Variants in COL6A6 observed in about 807,000 individuals in gnomAD.
COL6A6 encodes collagen alpha-6(VI) chain.
A neutral mutation model predicts 208.6 loss-of-function variants in COL6A6; 183 were observed. The observed-to-expected ratio is 0.88, with a 90% CI of 0.78 to 0.99. The LOEUF (loss-of-function observed/expected upper bound fraction) is 0.99. Ranked by LOEUF, COL6A6 falls within the 50% of genes least tolerant of loss-of-function variation. The pLI, the probability that COL6A6 is intolerant of heterozygous loss-of-function variation, is 0.00. For missense variants in COL6A6, 2,816 were observed against 2,815.2 expected (o/e 1.00, Z -0.01); for synonymous variants, 973 against 1,011.8 (o/e 0.96, Z 0.73).
At chr3:130,604,221 T>C (rs893809086) in intron 20 of COL6A6, among the ~76,000 whole-genome samples, 11 of 152,150 alleles carry the variant, frequency 7.2e-5, no homozygotes, top group East Asian at 3.9e-4. Flanking sequence ...GGGCCGGGCG[T>C]GGTGGCTCAC....
chr3:130,640,867 T>G (rs976379698), intron 28 of COL6A6, among the ~76,000 whole-genome samples: 2 of 152,212 alleles, frequency 1.3e-5, no homozygotes, highest in African/African-American at 4.8e-5. Context: ...GACTTTTTGC[T>G]TTTTGTTTTT....
intron 28 of COL6A6, among the ~76,000 whole-genome samples, chr3:130,640,123 A>G (rs980555129): frequency 3.3e-5 from 5 of 152,198 alleles, no homozygotes; most frequent in African/African-American, 1.2e-4. Flanking sequence ...ATGATTTTCA[A>G]CTAAACATCT....
At chr3:130,532,047 A>G (rs1179512452) in intron 1 of COL6A6, among the ~76,000 whole-genome samples, 1 of 152,096 alleles carries the variant, frequency 6.6e-6, no homozygotes, top group African/African-American at 2.4e-5. Flanking sequence ...TGCATATCAT[A>G]TTTTGCATTT....
intron 8 of COL6A6, among the ~76,000 whole-genome samples, chr3:130,578,270 A>G (rs757682872): frequency 3.2e-4 from 49 of 152,334 alleles, no homozygotes; most frequent in Middle Eastern, 3.4e-3. Context: ...GATTTGATTC[A>G]AGAGATGTGA....
At chr3:130,624,116 C>A (rs1012465071) in intron 24 of COL6A6, among the ~76,000 whole-genome samples, 12 of 151,802 alleles carry the variant, frequency 7.9e-5, no homozygotes, top group Non-Finnish European at 1.6e-4. Context: ...AAAACCTAGG[C>A]CTTTAAGGGG....
chr3:130,663,781 A>G (rs1048488564), intron 35 of COL6A6, among the ~76,000 whole-genome samples: 1 of 152,218 alleles, frequency 6.6e-6, no homozygotes, highest in Non-Finnish European at 1.5e-5. Flanking sequence ...CTTAGGGTAC[A>G]TGAGAGATAC....
chr3:130,548,465 G>A (rs2062569709), intron 1 of COL6A6, among the ~76,000 whole-genome samples: 1 of 152,170 alleles, frequency 6.6e-6, no homozygotes, highest in Admixed American at 6.5e-5. Context: ...AAATCTAAAG[G>A]GGGTTGGAGT....
chr3:130,642,519 C>G (rs894113633), intron 29 of COL6A6, among the ~76,000 whole-genome samples: 1 of 152,286 alleles, frequency 6.6e-6, no homozygotes, highest in East Asian at 1.9e-4. Flanking sequence ...TGCTCCAGAG[C>G]TCTGCGGCAA....
Position 130,571,313 on chromosome 3 carries a change from ACTT to A in COL6A6, c.2902_2904del (p.Phe968del). The stretch of plus-strand genomic sequence containing the variant: ...GCCATGGCAGGATCAAGCGACAAGT[ACTT>A]CTTCGTGGAGACTTTTGGAGGTCTG... On this transcript the variant is annotated inframe_deletion, in exon 7 of 37. Transcript: ENST00000358511. The A allele has an allele frequency of 1.2e-6, 2 of 1,613,814 alleles. No homozygotes were observed. Among genetic ancestry groups the A allele is most frequent in the Non-Finnish European group, 1.7e-6 (2 of 1,179,826 alleles).
At chr3:130,604,089 C>CA (rs2108164288) in intron 20 of COL6A6, among the ~76,000 whole-genome samples, 1 of 152,276 alleles carries the variant, frequency 6.6e-6, no homozygotes, top group Non-Finnish European at 1.5e-5. Flanking sequence ...TCATATAAAA[C>CA]ACTTGAAAAT....
At chr3:130,642,041 GAAAT>G (rs2065326692) in intron 29 of COL6A6, among the ~76,000 whole-genome samples, 1 of 152,070 alleles carries the variant, frequency 6.6e-6, no homozygotes, top group Admixed American at 6.5e-5. Context: ...GAAGTGAAAG[GAAAT>G]AAATAGTGAC....
chr3:130,625,574 A>G (rs996873977), intron 24 of COL6A6, among the ~76,000 whole-genome samples: 2 of 152,142 alleles, frequency 1.3e-5, no homozygotes, highest in African/African-American at 4.8e-5. Context: ...TAATCAGAAA[A>G]ACAGCAATGG....
intron 17 of COL6A6, among the ~76,000 whole-genome samples, 199 bp from the exon 18 acceptor site, chr3:130,594,082 G>A (rs533770947): frequency 6.6e-6 from 1 of 152,192 alleles, no homozygotes; most frequent in South Asian, 2.1e-4. Flanking sequence ...TCACCACTGT[G>A]GCAAATAATT....
intron 34 of COL6A6, among the ~76,000 whole-genome samples, chr3:130,660,863 C>G (rs1182828355): frequency 6.6e-6 from 1 of 152,220 alleles, no homozygotes; most frequent in South Asian, 2.1e-4. Flanking sequence ...AATTATTTTA[C>G]TATCCTGGCC....
In COL6A6 at chr3:130,675,196, G is replaced by A. The variant is rs1258189683; in HGVS notation, c.6597-6G>A. The A allele has an allele frequency of 1.3e-5, 20 of 1,535,134 alleles. No individual in the cohort carries two copies. In the South Asian group the frequency reaches 2.3e-4, roughly 17 times the overall value. On this transcript the variant is annotated splice_region_variant and splice_polypyrimidine_tract_variant and intron_variant, in intron 36 of 36. Coordinates refer to ENST00000358511, the MANE Select transcript of COL6A6 (RefSeq NM_001102608.3). The stretch of plus-strand genomic sequence containing the variant: ...ATCTTCTATGATGTTCTCTTTTGTT[G>A]TATAGCTTTGTTCCTGGACCACTTA...
chr3:130,530,992 C>A (rs1341462795), intron 1 of COL6A6, among the ~76,000 whole-genome samples: 1 of 151,188 alleles, frequency 6.6e-6, no homozygotes, highest in Non-Finnish European at 1.5e-5. Flanking sequence ...GTCTCTCTTT[C>A]TCTCCTCTCC....
At chr3:130,538,676 C>G (rs947523148) in intron 1 of COL6A6, among the ~76,000 whole-genome samples, 3 of 152,216 alleles carry the variant, frequency 2.0e-5, no homozygotes, top group Non-Finnish European at 2.9e-5. Flanking sequence ...ATTAGGCAGT[C>G]TGATGCCAGA....
intron 6 of COL6A6, among the ~76,000 whole-genome samples, chr3:130,568,853 A>G (rs2063094979): frequency 6.6e-6 from 1 of 152,228 alleles, no homozygotes; most frequent in African/African-American, 2.4e-5. Flanking sequence ...ATGGTATCAT[A>G]CCAGTTCTTA....
At chr3:130,657,420 G>T (rs1175528272) in intron 33 of COL6A6, among the ~76,000 whole-genome samples, 2 of 152,230 alleles carry the variant, frequency 1.3e-5, no homozygotes, top group African/African-American at 4.8e-5. Flanking sequence ...GTGGCAGGCA[G>T]TGTTTATGGA....
Sources: gnomAD v4.1 joint callset for allele counts (sites outside exome capture counted in the v4.1 genomes callset) on GRCh38, gnomAD v4.1.1 for gene constraint, MANE v1.5 for transcripts, NCBI Gene and HGNC (gene_info 2026-07-23, HGNC 2026-07-21) for gene names.